Variants in CHUK observed in about 807,000 individuals in gnomAD.
The protein encoded by CHUK is component of inhibitor of nuclear factor kappa B kinase complex.
A neutral mutation model predicts 104.8 loss-of-function variants in CHUK; 35 were observed. The observed-to-expected ratio is 0.33, with a 90% confidence interval of 0.26 to 0.44. The LOEUF (loss-of-function observed/expected upper bound fraction) is 0.44, where lower values mean the gene tolerates loss of function less well. Among genes scored for constraint, CHUK ranks in the 20% least tolerant of loss-of-function variants. CHUK has a pLI of 1.00. For synonymous variants in CHUK, 276 were observed against 291.9 expected, an observed-to-expected ratio of 0.95 and a Z score of 0.56; for missense variants, 663 against 902.7, an observed-to-expected ratio of 0.73 and a Z score of 3.40.
chr10:100,204,507 T>C lies in CHUK; in HGVS notation c.1506A>G (p.Ile502Met), dbSNP rs1254213434. Residue 502 changes from isoleucine (I) to methionine (M), a missense_variant and splice_region_variant, in exon 13 of 21, where the codon ATA (isoleucine) becomes ATG (methionine). Transcript: ENST00000370397. ...ERYSEQMTYG[I>M]SSEKMLKAWK... ...CAAATACATTACACAGACACTTACA[T>C]ATCCCATACGTCATCTGCTCGCTGT... 1.3e-5 allele frequency: 21 copies of C among 1,612,896 alleles called. No homozygotes were observed. Among genetic ancestry groups the C allele is most frequent in the Non-Finnish European group, 1.8e-5 (21 of 1,179,138 alleles).
At chr10:100,204,302 A>G (rs560909457) in intron 13 of CHUK, among the ~76,000 whole-genome samples, 84 of 152,354 alleles carry the variant, frequency 5.5e-4, no homozygotes, top group Non-Finnish European at 1.0e-3. Flanking sequence ...TTTTAGCCCA[A>G]TTGTGAAGCT....
At chr10:100,206,627 TTATCAAACTA>T (rs1463522059) in intron 11 of CHUK, among the ~76,000 whole-genome samples, 2 of 152,248 alleles carry the variant, frequency 1.3e-5, no homozygotes, top group African/African-American at 2.4e-5. Flanking sequence ...TTGTCAAAAG[TTATCAAACTA>T]TATGATCTGT....
chr10:100,229,485 C>T lies in CHUK; in HGVS notation c.48G>A (p.Glu16=), dbSNP rs1162720403. ...CGCCGGTGCCCAGCCGCTCCCGCAT[C>T]TCCCAGGGCCCGCCCGCGCCCGGCC... is the stretch of plus-strand genomic sequence containing the variant. ...GLRPGAGGPW[E]MRERLGTGGF... The change falls in exon 1 of 21, where the codon GAG becomes GAA. Residue 16 remains glutamate (E), a synonymous_variant. Transcript: ENST00000370397. The T allele has an allele frequency of 1.9e-6, 3 of 1,593,324 alleles. No individual in the cohort carries two copies. Among genetic ancestry groups the T allele is most frequent in the Non-Finnish European group, 2.6e-6 (3 of 1,173,726 alleles).
chr10:100,212,910 G>A (rs1230960217), intron 9 of CHUK, among the ~76,000 whole-genome samples: 5 of 151,188 alleles, frequency 3.3e-5, no homozygotes, highest in Non-Finnish European at 7.4e-5. Context: ...GAAGGCTGAG[G>A]CAGGAGAATC....
intron 9 of CHUK, among the ~76,000 whole-genome samples, chr10:100,216,535 T>G (rs1339539085): frequency 6.6e-6 from 1 of 152,102 alleles, no homozygotes; most frequent in Non-Finnish European, 1.5e-5. Context: ...GAGACCCCAT[T>G]TCTACCAAAA....
Position 100,219,354 on chromosome 10 carries a change from T to A in CHUK, c.480A>T (p.Ile160=), listed in dbSNP as rs1463499365. ...CATATCCCAGATCAATTATTTTATG[T>A]ATTATCTGCAAAATAATAAGACAGA... is the stretch of plus-strand genomic sequence containing the variant. ...IVLQDVGGKI[I]HKIIDLGYAK... is the part of the protein sequence containing the mutation. The change falls in exon 6 of 21, where the codon ATA becomes ATT. Residue 160 remains isoleucine, a synonymous_variant. Coordinates refer to ENST00000370397, the MANE Select transcript of CHUK (RefSeq NM_001278.5). 9 of 1,491,706 alleles carry A rather than the reference T, an allele frequency of 6.0e-6. No individual in the cohort carries two copies. The African/African-American group carries it at 8.3e-5, about 14-fold the overall frequency. The allele number at this position is 1,491,706 out of a possible 1,614,324, so 92.4% of individuals were successfully genotyped here.
intron 20 of CHUK, among the ~76,000 whole-genome samples, 180 bp from the exon 21 acceptor site, chr10:100,189,807 TAA>T (rs1470542631): frequency 1.3e-5 from 2 of 151,854 alleles, no homozygotes; most frequent in Non-Finnish European, 2.9e-5. Context: ...ATATTTGAAG[TAA>T]ACAATTATTC....
intron 19 of CHUK, 23 bp from the exon 20 acceptor site, chr10:100,190,991 C>T: frequency 1.4e-6 from 2 of 1,385,754 alleles, no homozygotes; most frequent in Non-Finnish European, 2.1e-6. Context: ...AGAACAAAGC[C>T]TTTTCAAACT....
In CHUK at chr10:100,194,541, G is replaced by C. The variant is rs1185585698; in HGVS notation, c.1730-20C>G. ...AGTGATCTATAAAAGACATCAGTCA[G>C]TGGATATAACCTTTCTTCTGTAACA... On this transcript the variant is annotated intron_variant, in intron 16 of 20. Transcript: ENST00000370397. 4.0e-6 allele frequency: 6 copies of C among 1,518,028 alleles called. No individual in the cohort carries two copies. Among genetic ancestry groups the C allele is most frequent in the African/African-American group, 1.4e-5 (1 of 73,196 alleles). 94.0% of individuals were successfully genotyped at this position (1,518,028 alleles called of 1,614,324 possible).
At chr10:100,191,030 C>T in intron 19 of CHUK, 62 bp from the exon 20 acceptor site, 1 of 982,736 alleles carries the variant, frequency 1.0e-6, no homozygotes, top group Non-Finnish European at 1.7e-6. Context: ...ATTTCCTCTA[C>T]TTTCTAGTCT....
chr10:100,200,581 G>A, intron 15 of CHUK, 90 bp downstream of exon 15: 1 of 758,710 alleles, frequency 1.3e-6, no homozygotes, highest in Non-Finnish European at 2.4e-6. Flanking sequence ...CTATAGAAAA[G>A]AACCACTAGA....
chr10:100,199,947 A>C (rs367984062), intron 16 of CHUK, 24 bp downstream of exon 16: 87 of 1,565,520 alleles, frequency 5.6e-5, no homozygotes, highest in Non-Finnish European at 7.2e-5. Context: ...AATGCCTTCA[A>C]GCACTGTGGT....
At chr10:100,212,224 C>T (rs912987601) in intron 9 of CHUK, among the ~76,000 whole-genome samples, 1 of 152,038 alleles carries the variant, frequency 6.6e-6, no homozygotes, top group Non-Finnish European at 1.5e-5. Flanking sequence ...TGTACTGTTT[C>T]CCACAATAGC....
At position 100,218,772 on chromosome 10, in the gene CHUK, A is replaced by T; in HGVS notation, c.743T>A (p.Met248Lys). 1 of 1,613,996 alleles carries T rather than the reference A, an allele frequency of 6.2e-7. No individual in the cohort carries two copies. Among genetic ancestry groups the T allele is most frequent in the Non-Finnish European group, 8.5e-7 (1 of 1,179,918 alleles). ...DPKCIFACEEMSGEVRFSSHL... is the reference protein window; with the variant it reads ...DPKCIFACEEKSGEVRFSSHL... The stretch of plus-strand genomic sequence containing the variant: ...GCTACTAAACCGAACTTCTCCTGAC[A>T]TCTCTTCACATGCAAATATACACTT... The change falls in exon 8 of 21, where the codon ATG becomes AAG. Residue 248 changes from methionine (M) to lysine (K), a missense_variant. By Grantham distance (95) the Met-to-Lys change is moderately conservative (BLOSUM62 -1). Around this residue, in one of 5 missense-constraint regions of CHUK, gnomAD observed 200 missense variants for 333.0 expected, o/e 0.60. Transcript: ENST00000370397.
At chr10:100,198,895 A>G (rs1038564500) in intron 16 of CHUK, among the ~76,000 whole-genome samples, 4 of 152,186 alleles carry the variant, frequency 2.6e-5, no homozygotes, top group African/African-American at 9.7e-5. Flanking sequence ...ACCCTTCAAA[A>G]CAAATTTTTA....
intron 16 of CHUK, among the ~76,000 whole-genome samples, chr10:100,197,327 C>A (rs946003271): frequency 6.6e-6 from 1 of 152,136 alleles, no homozygotes; most frequent in Non-Finnish European, 1.5e-5. Flanking sequence ...TTTAAGTCTT[C>A]CTTCTGAGAA....
chr10:100,205,268 A>T, intron 11 of CHUK, 69 bp from the exon 12 acceptor site: 1 of 1,517,134 alleles, frequency 6.6e-7, no homozygotes, highest in Non-Finnish European at 9.1e-7. Flanking sequence ...GAGTTGATTT[A>T]TCATTCTTTG....
intron 9 of CHUK, among the ~76,000 whole-genome samples, chr10:100,216,469 C>T (rs1413906398): frequency 6.6e-6 from 1 of 152,100 alleles, no homozygotes; most frequent in Admixed American, 6.6e-5. Context: ...TTTGGGAAGT[C>T]GAGGTAGGAG....
At chr10:100,226,995 C>T (rs1304383655) in intron 1 of CHUK, among the ~76,000 whole-genome samples, 2 of 152,208 alleles carry the variant, frequency 1.3e-5, no homozygotes, top group East Asian at 1.9e-4. Context: ...CCACAGTTCT[C>T]ACTCCCTTCA....
Sources: allele counts gnomAD v4.1 joint callset (sites outside exome capture counted in the v4.1 genomes callset), GRCh38; gene constraint gnomAD v4.1.1; regional missense constraint gnomAD v4.1.1; transcripts MANE v1.5; gene names NCBI Gene and HGNC (gene_info 2026-07-23, HGNC 2026-07-21).